Variants in REDIC1 observed in about 807,000 individuals in gnomAD.
REDIC1 encodes HEI10 Interacting Protein 1.
the REDIC1 span, among the ~76,000 whole-genome samples, chr12:39,653,967 A>C: frequency 2.0e-5 from 3 of 151,320 alleles, no homozygotes; most frequent in African/African-American, 7.3e-5. Flanking sequence ...AGTGTCCTTT[A>C]TCAGGTTGTG....
chr12:39,776,321 A>G, the REDIC1 span, among the ~76,000 whole-genome samples: 1 of 152,116 alleles, frequency 6.6e-6, no homozygotes, highest in Non-Finnish European at 1.5e-5. Flanking sequence ...CCGACAGCTG[A>G]GTGGTCCCCC....
chr12:39,700,338 C>A, the REDIC1 span, among the ~76,000 whole-genome samples: 7 of 151,996 alleles, frequency 4.6e-5, no homozygotes, highest in Non-Finnish European at 1.0e-4. Flanking sequence ...GAAAGGGTAT[C>A]AGCGATGGAA....
At chr12:39,803,126 C>CCATTGTAA in the REDIC1 span, among the ~76,000 whole-genome samples, 1 of 151,288 alleles carries the variant, frequency 6.6e-6, no homozygotes, top group African/African-American at 2.4e-5. Context: ...TATAAGGCAG[C>CCATTGTAA]CATTGTAAAT....
the REDIC1 span, among the ~76,000 whole-genome samples, chr12:39,868,918 TTTAA>T: frequency 4.6e-5 from 7 of 152,328 alleles, no homozygotes; most frequent in African/African-American, 1.4e-4. Context: ...TTGTAATCAT[TTTAA>T]AAGAATGAAT....
the REDIC1 span, among the ~76,000 whole-genome samples, chr12:39,903,471 T>C: frequency 1.3e-5 from 2 of 152,038 alleles, no homozygotes; most frequent in Non-Finnish European, 2.9e-5. Context: ...TTACTCAACT[T>C]CTGAAAAATG....
chr12:39,817,167 A>G, the REDIC1 span, among the ~76,000 whole-genome samples: 1 of 152,222 alleles, frequency 6.6e-6, no homozygotes, highest in Non-Finnish European at 1.5e-5. Flanking sequence ...AAAGTGTACT[A>G]ATTTCTTTGA....
At chr12:39,733,031 ATTAT>A in the REDIC1 span, among the ~76,000 whole-genome samples, 1 of 150,288 alleles carries the variant, frequency 6.7e-6, no homozygotes, top group South Asian at 2.1e-4. Context: ...CCATTGGGTC[ATTAT>A]TTATGTCTTT....
chr12:39,802,673 T>A, the REDIC1 span, among the ~76,000 whole-genome samples: 2 of 152,160 alleles, frequency 1.3e-5, no homozygotes, highest in Non-Finnish European at 2.9e-5. Flanking sequence ...ATATTTATAT[T>A]TATATATGTC....
the REDIC1 span, among the ~76,000 whole-genome samples, chr12:39,824,109 A>G: frequency 6.6e-6 from 1 of 152,254 alleles, no homozygotes; most frequent in African/African-American, 2.4e-5. Context: ...AATGCAGAAT[A>G]TAGAAATTAG....
chr12:39,681,846 G>GT, the REDIC1 span, among the ~76,000 whole-genome samples: 13 of 151,306 alleles, frequency 8.6e-5, no homozygotes, highest in South Asian at 4.2e-4. Context: ...AGCAATCTGT[G>GT]GTTTTTTTTC....
the REDIC1 span, among the ~76,000 whole-genome samples, chr12:39,735,193 G>T: frequency 6.6e-6 from 1 of 152,298 alleles, no homozygotes; most frequent in Non-Finnish European, 1.5e-5. Context: ...GTGGTCTGAA[G>T]CTGGAAGAAC....
At chr12:39,681,963 A>G in the REDIC1 span, among the ~76,000 whole-genome samples, 2 of 150,954 alleles carry the variant, frequency 1.3e-5, no homozygotes, top group Non-Finnish European at 2.9e-5. Flanking sequence ...ATTTTCCACT[A>G]TATCTTTGAT....
chr12:39,739,371 C>T, the REDIC1 span, among the ~76,000 whole-genome samples: 1 of 152,182 alleles, frequency 6.6e-6, no homozygotes, highest in Non-Finnish European at 1.5e-5. Flanking sequence ...CATTCAGTCA[C>T]TTAGTCAGTA....
At chr12:39,862,198 G>T in the REDIC1 span, among the ~76,000 whole-genome samples, 2 of 152,176 alleles carry the variant, frequency 1.3e-5, no homozygotes, top group South Asian at 4.1e-4. Context: ...CTAAAAAGGA[G>T]ATGTCCTCAT....
the REDIC1 span, among the ~76,000 whole-genome samples, chr12:39,715,519 T>C: frequency 6.6e-6 from 1 of 151,874 alleles, no homozygotes; most frequent in South Asian, 2.1e-4. Context: ...ATCTACGAAT[T>C]CAATGCAATT....
chr12:39,836,456 C>G, the REDIC1 span, among the ~76,000 whole-genome samples: 2 of 151,990 alleles, frequency 1.3e-5, no homozygotes, highest in African/African-American at 4.8e-5. Flanking sequence ...TCTCACCACT[C>G]CTATTCAACA....
At chr12:39,846,677 C>T in the REDIC1 span, among the ~76,000 whole-genome samples, 2 of 152,114 alleles carry the variant, frequency 1.3e-5, no homozygotes, top group Admixed American at 1.3e-4. Context: ...CTCTTGAACT[C>T]CTAGGCTCAA....
chr12:39,782,275 G>C, the REDIC1 span, among the ~76,000 whole-genome samples: 3 of 152,126 alleles, frequency 2.0e-5, no homozygotes, highest in African/African-American at 7.2e-5. Context: ...ATCTCAATTT[G>C]AATTGTATCT....
At chr12:39,712,361 C>CATATGTATATATACCTGTATAT in the REDIC1 span, among the ~76,000 whole-genome samples, 108 of 128,938 alleles carry the variant, frequency 8.4e-4, 3 homozygotes, top group African/African-American at 3.1e-3. Flanking sequence ...TACATACATA[C>CATATGTATATATACCTGTATAT]ATACATATGT....
Sources: gnomAD v4.1 joint callset for allele counts (sites outside exome capture counted in the v4.1 genomes callset) on GRCh38, gnomAD v4.1.1 for gene constraint, MANE v1.5 for transcripts, NCBI Gene and HGNC (gene_info 2026-07-23, HGNC 2026-07-21) for gene names.